Variants in PLCG2 observed in about 807,000 individuals in gnomAD.
The protein encoded by PLCG2 is 1-phosphatidylinositol 4,5-bisphosphate phosphodiesterase gamma-2.
A neutral mutation model predicts 175.6 loss-of-function variants in PLCG2; 69 were observed. That is an observed-to-expected ratio of 0.39 (90% CI 0.32 to 0.48). The LOEUF (loss-of-function observed/expected upper bound fraction) is 0.48. PLCG2 is among the 20% of genes least tolerant of loss of function. The pLI is 0.91. For missense variants in PLCG2, 1,798 were observed against 1,650.9 expected (o/e 1.09, Z -1.54); for synonymous variants, 827 against 624.0 (o/e 1.33, Z -4.85).
chr16:81,947,477 G>C (rs1462195145), intron 31 of PLCG2, among the ~76,000 whole-genome samples: 2 of 152,174 alleles, frequency 1.3e-5, no homozygotes, highest in Non-Finnish European at 2.9e-5. Context: ...GCATTCGGTA[G>C]ACCTGGGCTT....
intron 2 of PLCG2, among the ~76,000 whole-genome samples, chr16:81,761,182 C>A (rs558075192): frequency 7.7e-4 from 117 of 152,202 alleles, no homozygotes; most frequent in African/African-American, 2.7e-3. Context: ...CAGGTATGAG[C>A]CACTTGCGCC....
At chr16:81,879,636 G>A (rs998262717) in intron 7 of PLCG2, among the ~76,000 whole-genome samples, 4 of 152,134 alleles carry the variant, frequency 2.6e-5, no homozygotes, top group Non-Finnish European at 4.4e-5. Flanking sequence ...GTTTTATGTC[G>A]TTAGCATTGA....
chr16:81,911,472 C>G (rs576070846), intron 18 of PLCG2, among the ~76,000 whole-genome samples: 2 of 152,266 alleles, frequency 1.3e-5, no homozygotes, highest in Non-Finnish European at 2.9e-5. Flanking sequence ...AGGTGTTGCT[C>G]TGTTGCCCAG....
chr16:81,908,317 A>G (rs916657979), intron 16 of PLCG2, 99 bp from the exon 17 acceptor site: 3 of 1,138,102 alleles, frequency 2.6e-6, no homozygotes, highest in Non-Finnish European at 3.8e-6. Context: ...TCTCTATGTT[A>G]TCTGGTACCC....
intron 2 of PLCG2, among the ~76,000 whole-genome samples, chr16:81,760,930 G>A (rs1910029341): frequency 6.6e-6 from 1 of 151,980 alleles, no homozygotes; most frequent in African/African-American, 2.4e-5. Flanking sequence ...TGAGGACAGA[G>A]TTTCACTCTG....
chr16:81,950,701 ATGGCAAAATTGCTCACAATT>A (rs1319676964), intron 31 of PLCG2, among the ~76,000 whole-genome samples: 3 of 152,214 alleles, frequency 2.0e-5, no homozygotes, highest in Non-Finnish European at 4.4e-5. Context: ...ACACAAAAAG[ATGGCAAAATTGCTCACAATT>A]TGAAGATAAT....
At chr16:81,906,233 CTGCCGTGCATTTAGGT>C (rs1344790114) in intron 15 of PLCG2, 1 of 152,220 alleles carries the variant, frequency 6.6e-6, no homozygotes, top group East Asian at 1.9e-4. Context: ...GTACCCGGTG[CTGCCGTGCATTTAGGT>C]TGTCCTGACT....
chr16:81,781,168 C>T (rs1910713875), intron 1 of PLCG2, among the ~76,000 whole-genome samples: 1 of 152,226 alleles, frequency 6.6e-6, no homozygotes, highest in Admixed American at 6.5e-5. Flanking sequence ...CTCCCAGCCT[C>T]CGATAAATAG....
chr16:81,753,644 A>G (rs1304391785), intron 1 of PLCG2, among the ~76,000 whole-genome samples: 1 of 152,114 alleles, frequency 6.6e-6, no homozygotes, highest in East Asian at 1.9e-4. Context: ...CCTGGCCTCA[A>G]GTGATCTCCC....
chr16:81,782,645 G>C (rs1366059065), intron 1 of PLCG2, among the ~76,000 whole-genome samples: 1 of 152,198 alleles, frequency 6.6e-6, no homozygotes, highest in African/African-American at 2.4e-5. Context: ...TTATTTAGAA[G>C]GGCATTTCGT....
At chr16:81,934,608 G>T (rs1597142415) in intron 26 of PLCG2, 77 bp downstream of exon 26, 2 of 879,454 alleles carry the variant, frequency 2.3e-6, no homozygotes, top group Admixed American at 2.0e-5. Context: ...ATTTTCAGAG[G>T]GGGCAGAGAG....
chr16:81,950,404 C>T (rs190018483), intron 31 of PLCG2, among the ~76,000 whole-genome samples: 1 of 152,180 alleles, frequency 6.6e-6, no homozygotes, highest in African/African-American at 2.4e-5. Context: ...TAGCATAGTA[C>T]CTAAGTATAT....
intron 2 of PLCG2, among the ~76,000 whole-genome samples, chr16:81,768,053 C>G (rs756366925): frequency 6.6e-6 from 1 of 152,122 alleles, no homozygotes; most frequent in Non-Finnish European, 1.5e-5. Context: ...CCATGCCCAC[C>G]TAGTTTTTGT....
chr16:81,837,746 G>C (rs1478806233), intron 2 of PLCG2, among the ~76,000 whole-genome samples: 1 of 146,220 alleles, frequency 6.8e-6, no homozygotes, highest in Non-Finnish European at 1.5e-5. Context: ...TTTTTGTTGA[G>C]ATAATTGAAG....
intron 2 of PLCG2, among the ~76,000 whole-genome samples, chr16:81,809,902 C>G (rs892068824): frequency 6.6e-6 from 1 of 152,052 alleles, no homozygotes; most frequent in Non-Finnish European, 1.5e-5. Flanking sequence ...GAGATGCATA[C>G]TGTGTAGCTC....
Position 81,921,444 on chromosome 16 carries a change from C to G in PLCG2, c.2307+175C>G, listed in dbSNP as rs1253022872. On this transcript the variant is annotated intron_variant, in intron 21 of 32. Transcript: ENST00000564138. ...TGATTGATAATATCAAGCCTAGTTTCAGGGAAAATGTTAATAGAATTCCAT... is the reference window on the plus strand; with the variant it reads ...TGATTGATAATATCAAGCCTAGTTTGAGGGAAAATGTTAATAGAATTCCAT... The G allele has an allele frequency of 1.5e-5, 10 of 659,718 alleles. No homozygotes were observed. In the Admixed American group the frequency reaches 2.2e-4, roughly 15 times the overall value. 40.9% of individuals were successfully genotyped at this position (659,718 alleles called of 1,614,324 possible).
intron 3 of PLCG2, among the ~76,000 whole-genome samples, chr16:81,856,537 C>G (rs889283879): frequency 1.2e-4 from 19 of 152,196 alleles, no homozygotes; most frequent in Non-Finnish European, 2.2e-4. Context: ...TCTGTGCCAT[C>G]TTGATTAGAA....
At chr16:81,899,775 C>T (rs534353936) in intron 13 of PLCG2, among the ~76,000 whole-genome samples, 25 of 152,218 alleles carry the variant, frequency 1.6e-4, no homozygotes, top group African/African-American at 5.1e-4. Context: ...GGTTCAGGCA[C>T]GAATTACAGT....
chr16:81,938,699 A>T, intron 28 of PLCG2, 102 bp from the exon 29 acceptor site: 2 of 667,160 alleles, frequency 3.0e-6, no homozygotes, highest in Non-Finnish European at 5.2e-6. Context: ...TAGGGCTGGC[A>T]TTGAACTCAT....
Sources: allele counts gnomAD v4.1 joint callset (sites outside exome capture counted in the v4.1 genomes callset), GRCh38; gene constraint gnomAD v4.1.1; transcripts MANE v1.5; gene names NCBI Gene and HGNC (gene_info 2026-07-23, HGNC 2026-07-21).